The following ATXN1 variants were observed in gnomAD, a reference collection of about 807,000 sequenced individuals.
ATXN1 encodes the protein ataxin 1, also known as ataxin-1.
A neutral mutation model predicts 56.4 loss-of-function variants in ATXN1; 8 were observed. The observed-to-expected ratio is 0.14, with a 90% CI of 0.08 to 0.26. The LOEUF (loss-of-function observed/expected upper bound fraction) is 0.26, where lower values mean the gene tolerates loss of function less well. Among genes scored for constraint, ATXN1 ranks in the 10% least tolerant of loss-of-function variants. The pLI is 1.00. For missense variants in ATXN1, 987 were observed against 1,106.5 expected (o/e 0.89, Z 1.53); for synonymous variants, 514 against 494.6 (o/e 1.04, Z -0.52).
At chr6:16,590,049 A>C (rs947050728) in intron 3 of ATXN1, among the ~76,000 whole-genome samples, 2 of 152,222 alleles carry the variant, frequency 1.3e-5, no homozygotes, top group African/African-American at 4.8e-5. Flanking sequence ...CATTGAGCTG[A>C]CGTAATTATA....
chr6:16,602,402 G>C (rs942276851), intron 3 of ATXN1, among the ~76,000 whole-genome samples: 1 of 150,982 alleles, frequency 6.6e-6, no homozygotes, highest in Non-Finnish European at 1.5e-5. Flanking sequence ...TTTTTTAATT[G>C]AAGCATCACT....
intron 4 of ATXN1, among the ~76,000 whole-genome samples, chr6:16,559,164 T>G (rs1762069221): frequency 6.6e-6 from 1 of 152,094 alleles, no homozygotes. Context: ...ACTCAAACAG[T>G]GCTAGCAGGA....
chr6:16,355,493 T>C (rs1280453098), intron 6 of ATXN1, among the ~76,000 whole-genome samples: 2 of 151,878 alleles, frequency 1.3e-5, no homozygotes, highest in Admixed American at 6.6e-5. Flanking sequence ...AGAAGCCCCA[T>C]GGATAAGAAA....
intron 3 of ATXN1, among the ~76,000 whole-genome samples, chr6:16,642,082 G>A (rs1313097962): frequency 6.6e-6 from 1 of 152,120 alleles, no homozygotes; most frequent in Non-Finnish European, 1.5e-5. Context: ...TGCCTCTATG[G>A]AGGAGCAAAG....
chr6:16,688,427 C>G (rs1411289112), intron 2 of ATXN1, among the ~76,000 whole-genome samples: 2 of 152,118 alleles, frequency 1.3e-5, no homozygotes, highest in East Asian at 1.9e-4. Flanking sequence ...GTACAGAATA[C>G]CAGCTGGATG....
intron 5 of ATXN1, among the ~76,000 whole-genome samples, chr6:16,488,969 T>C (rs1376918896): frequency 3.9e-5 from 6 of 152,284 alleles, no homozygotes; most frequent in African/African-American, 1.4e-4. Context: ...TACGCCAGGC[T>C]GTCAGTTTCA....
intron 6 of ATXN1, among the ~76,000 whole-genome samples, chr6:16,444,289 C>G (rs1195884168): frequency 6.6e-6 from 1 of 152,138 alleles, no homozygotes; most frequent in Non-Finnish European, 1.5e-5. Context: ...CTGAAAGAAA[C>G]CAGGTCTCCT....
At chr6:16,390,202 T>C (rs9477118) in intron 6 of ATXN1, among the ~76,000 whole-genome samples, 21,972 of 152,194 alleles carry the variant, frequency 0.14, 1,886 homozygotes, top group African/African-American at 0.23. Context: ...CCTTGACCCA[T>C]AGCTCTGTAC....
At chr6:16,639,782 TG>T (rs2113819503) in intron 3 of ATXN1, among the ~76,000 whole-genome samples, 1 of 152,368 alleles carries the variant, frequency 6.6e-6, no homozygotes, top group Admixed American at 6.5e-5. Flanking sequence ...AGAAGAATTA[TG>T]TTCACCTCTA....
chr6:16,455,038 CAT>C (rs1371941431), intron 6 of ATXN1, among the ~76,000 whole-genome samples: 1 of 152,130 alleles, frequency 6.6e-6, no homozygotes, highest in Non-Finnish European at 1.5e-5. Flanking sequence ...GGTCAGGAAA[CAT>C]GTGGCAGGCA....
At chr6:16,549,654 T>C (rs1761879652) in intron 4 of ATXN1, among the ~76,000 whole-genome samples, 1 of 151,922 alleles carries the variant, frequency 6.6e-6, no homozygotes, top group African/African-American at 2.4e-5. Context: ...TCCCAGCACT[T>C]TGGGAGGCAG....
chr6:16,550,155 C>CAAAAAAAAAAA (rs70999336), intron 4 of ATXN1, among the ~76,000 whole-genome samples: 5 of 91,192 alleles, frequency 5.5e-5, no homozygotes, highest in East Asian at 2.5e-4. Context: ...AAATAAAATA[C>CAAAAAAAAAAA]AAAAAAAAAA....
chr6:16,384,485 T>C (rs1368121597), intron 6 of ATXN1, among the ~76,000 whole-genome samples: 3 of 152,174 alleles, frequency 2.0e-5, no homozygotes, highest in African/African-American at 7.2e-5. Flanking sequence ...GCATCAGACA[T>C]ATAAAACAGA....
At chr6:16,591,637 T>C (rs1762724989) in intron 3 of ATXN1, among the ~76,000 whole-genome samples, 1 of 152,150 alleles carries the variant, frequency 6.6e-6, no homozygotes, top group Non-Finnish European at 1.5e-5. Flanking sequence ...ATATTGTATT[T>C]TCCCTGCCGT....
At chr6:16,474,168 C>G (rs1156336082) in intron 6 of ATXN1, among the ~76,000 whole-genome samples, 1 of 152,250 alleles carries the variant, frequency 6.6e-6, no homozygotes, top group Admixed American at 6.5e-5. Context: ...TACCTTTGAG[C>G]TTTGCTCATG....
In ATXN1 at chr6:16,526,064, T is replaced by TATATATATATATATATATATACAC. The variant is rs370698828; in HGVS notation, c.-360-3377_-360-3376insGTGTATATATATATATATATATAT. On this transcript the variant is annotated intron_variant, in intron 4 of 7. Transcript: ENST00000436367. ...ATCTATATATATATATATATATATA[T>TATATATATATATATATATATACAC]ACATACATACAATCTATTTATAATG... Among the ~76,000 whole-genome samples the TATATATATATATATATATATACAC allele has an allele frequency of 5.1e-3, 674 of 133,018 alleles. 9 individuals carry two copies. The highest frequency in any genetic ancestry group is 0.012 in the Middle Eastern group (3 of 256). The allele number at this position is 133,018 out of a possible 152,430, so 87.3% of individuals were successfully genotyped here.
intron 2 of ATXN1, among the ~76,000 whole-genome samples, chr6:16,718,811 C>G (rs921065406): frequency 1.3e-5 from 2 of 152,218 alleles, no homozygotes; most frequent in African/African-American, 2.4e-5. Context: ...ATTGTACGCA[C>G]AGATGTGTGC....
At chr6:16,699,658 G>C (rs560360895) in intron 2 of ATXN1, among the ~76,000 whole-genome samples, 2 of 152,314 alleles carry the variant, frequency 1.3e-5, no homozygotes, top group East Asian at 3.9e-4. Flanking sequence ...TGAGCCAGCA[G>C]AGCAGACACT....
intron 7 of ATXN1, among the ~76,000 whole-genome samples, chr6:16,323,187 G>A (rs1326669759): frequency 6.6e-6 from 1 of 152,106 alleles, no homozygotes; most frequent in African/African-American, 2.4e-5. Flanking sequence ...GTTTGGAGTA[G>A]GGAAAAACAC....
Sources: gnomAD v4.1 joint callset for allele counts (sites outside exome capture counted in the v4.1 genomes callset) on GRCh38, gnomAD v4.1.1 for gene constraint, MANE v1.5 for transcripts, NCBI Gene and HGNC (gene_info 2026-07-23, HGNC 2026-07-21) for gene names.